SLC1A6: variants seen among roughly 807,000 people sequenced by gnomAD.
SLC1A6 encodes solute carrier family 1 member 6.
In SLC1A6, 15 loss-of-function variants were observed where a neutral mutation model predicts 42.1. The ratio of observed to expected loss-of-function variants is 0.36; its 90% CI spans 0.24 to 0.55. The LOEUF is 0.55. Among genes scored for constraint, SLC1A6 ranks in the 20% least tolerant of loss-of-function variants. The pLI is 0.88. For missense variants in SLC1A6, 542 were observed against 772.5 expected, an observed-to-expected ratio of 0.70 and a Z score of 3.54; for synonymous variants, 317 against 319.7, an observed-to-expected ratio of 0.99 and a Z score of 0.09.
chr19:14,961,742 T>C (rs546432129), intron 6 of SLC1A6: 2 of 441,210 alleles, frequency 4.5e-6, no homozygotes, highest in Non-Finnish European at 8.1e-6. Context: ...CAGAAGGACA[T>C]GAATGAATGA....
upstream of SLC1A6, among the ~76,000 whole-genome samples, chr19:14,981,942 C>T (rs988772775): frequency 4.0e-5 from 6 of 151,788 alleles, no homozygotes; most frequent in South Asian, 2.1e-4. Flanking sequence ...GCAGGAGGAC[C>T]GCTTGAGTCC....
chr19:14,952,110 C>T (rs1178236109), intron 9 of SLC1A6, among the ~76,000 whole-genome samples: 1 of 151,844 alleles, frequency 6.6e-6, no homozygotes, highest in Non-Finnish European at 1.5e-5. Context: ...CTGTGTCCTA[C>T]CCGTAAACCT....
chr19:15,003,977 G>C (rs2045884514), intron 1 of SLC1A6, among the ~76,000 whole-genome samples: 2 of 152,054 alleles, frequency 1.3e-5, no homozygotes, highest in Admixed American at 6.6e-5. Flanking sequence ...GCAACATGGA[G>C]AAACCCCATC....
intron 6 of SLC1A6, among the ~76,000 whole-genome samples, chr19:14,957,150 C>G (rs186190858): frequency 2.0e-5 from 3 of 152,148 alleles, no homozygotes; most frequent in Admixed American, 2.0e-4. Flanking sequence ...GTGTATGCCC[C>G]TATTCTCTTC....
chr19:15,001,467 C>T (rs1457510094), intron 1 of SLC1A6, among the ~76,000 whole-genome samples: 2 of 151,822 alleles, frequency 1.3e-5, no homozygotes, highest in African/African-American at 2.4e-5. Context: ...AGAATAAACA[C>T]GGATGGTGAG....
rs533501433 is a variant in SLC1A6, at chr19:14,994,529, C to T, written c.6+15956G>A. On this transcript the variant is annotated intron_variant, in intron 1 of 8. Transcript: ENST00000430939. ...CTCCCCTCAAACTGCCCAGTCTACCCTCCATCTTTCTCCAGGGGTTAGAGA... is the reference window on the plus strand; with the variant it reads ...CTCCCCTCAAACTGCCCAGTCTACCTTCCATCTTTCTCCAGGGGTTAGAGA... 7.2e-5 allele frequency among the ~76,000 whole-genome samples: 11 copies of T among 152,338 alleles called. No homozygotes were observed. In the South Asian group the frequency reaches 1.9e-3, roughly 26 times the overall value.
At chr19:14,960,480 A>G (rs2045499552) in intron 6 of SLC1A6, among the ~76,000 whole-genome samples, 2 of 152,260 alleles carry the variant, frequency 1.3e-5, no homozygotes, top group Non-Finnish European at 2.9e-5. Context: ...TAGAAAAATG[A>G]GAATGAATAA....
chr19:14,950,387 G>A lies in SLC1A6; in HGVS notation c.1503C>T (p.Asp501=), dbSNP rs1240995360. 6.3e-7 allele frequency: 1 copy of A among 1,576,278 alleles called. No individual in the cohort carries two copies. The highest frequency in any genetic ancestry group is 8.7e-7 in the Non-Finnish European group (1 of 1,154,886). ...TLIIAVDWFL[D]RLRTMTNVLG... ...GTACGTTGGTCATTGTGCGAAGCCG[G>A]TCACTGGTACAGGGGAGAAAGAAGC... The change falls in exon 10 of 10, where the codon GAC becomes GAT. Residue 501 remains aspartate (D), a synonymous_variant. Coordinates refer to ENST00000594383, the MANE Select transcript of SLC1A6 (RefSeq NM_005071.3).
chr19:14,957,295 G>T (rs560284275), intron 6 of SLC1A6, among the ~76,000 whole-genome samples: 2 of 152,208 alleles, frequency 1.3e-5, no homozygotes, highest in East Asian at 3.9e-4. Context: ...CAGGCACATG[G>T]CTCTCGTCCT....
intron 1 of SLC1A6, among the ~76,000 whole-genome samples, chr19:15,002,305 G>GT (rs1204659298): frequency 2.0e-5 from 3 of 151,730 alleles, no homozygotes; most frequent in Non-Finnish European, 4.4e-5. Flanking sequence ...GTTTTGTTTT[G>GT]TTTTTTGTTT....
At chr19:14,951,506 C>CTGGTTT (rs908350257) in intron 9 of SLC1A6, among the ~76,000 whole-genome samples, 8 of 86,848 alleles carry the variant, frequency 9.2e-5, no homozygotes, top group African/African-American at 1.8e-4. Flanking sequence ...GTTGTTGTTG[C>CTGGTTT]TGGTTTTTGT....
upstream of SLC1A6, among the ~76,000 whole-genome samples, chr19:14,980,670 A>AG (rs1219118673): frequency 2.6e-5 from 4 of 151,626 alleles, no homozygotes; most frequent in Non-Finnish European, 5.9e-5. Context: ...AAAAAAAAAA[A>AG]AGTCAGTGCA....
intron 5 of SLC1A6, chr19:14,964,019 G>T: frequency 9.0e-6 from 2 of 222,540 alleles, no homozygotes; most frequent in Non-Finnish European, 8.6e-6. Context: ...GAAAGACAGA[G>T]AGTCTCATTC....
intron 1 of SLC1A6, among the ~76,000 whole-genome samples, chr19:15,003,671 A>G (rs1418671414): frequency 4.8e-5 from 7 of 144,842 alleles, no homozygotes; most frequent in Non-Finnish European, 9.3e-5. Context: ...AAAAAAAAAA[A>G]AAAGAAAGAA....
chr19:14,977,771 A>G (rs2045727708), intron 1 of SLC1A6: 1 of 152,174 alleles, frequency 6.6e-6, no homozygotes, highest in Non-Finnish European at 1.5e-5. Flanking sequence ...ACAGCGTAAA[A>G]CCCTGTCTAA....
At chr19:14,965,099 A>C (rs1020396528) in intron 4 of SLC1A6, among the ~76,000 whole-genome samples, 5 of 151,396 alleles carry the variant, frequency 3.3e-5, no homozygotes, top group African/African-American at 1.2e-4. Flanking sequence ...GGCTCACTGC[A>C]ACCTCCACCT....
At chr19:14,986,388 G>T (rs2045792758) in intron 1 of SLC1A6, among the ~76,000 whole-genome samples, 1 of 151,696 alleles carries the variant, frequency 6.6e-6, no homozygotes, top group South Asian at 2.1e-4. Context: ...CCAGCATGGT[G>T]GGGGGTGCCT....
chr19:14,975,801 CGGAAGGGAAGGGAAGGGGACAAAG>C (rs1386666396), intron 1 of SLC1A6, among the ~76,000 whole-genome samples: 4,269 of 92,078 alleles, frequency 0.046, 202 homozygotes, highest in African/African-American at 0.11. Context: ...GGGAAGGGAA[CGGAAGGGAAGGGAAGGGGACAAAG>C]GGAAGGGAAG....
intron 1 of SLC1A6, among the ~76,000 whole-genome samples, chr19:15,000,694 C>T (rs7255326): frequency 0.098 from 14,858 of 152,240 alleles, 886 homozygotes; most frequent in East Asian, 0.2. Flanking sequence ...CCTTGACATA[C>T]TGATGCCATT....
Sources: gnomAD v4.1 joint callset for allele counts (sites outside exome capture counted in the v4.1 genomes callset) on GRCh38, gnomAD v4.1.1 for gene constraint, MANE v1.5 for transcripts, NCBI Gene and HGNC (gene_info 2026-07-23, HGNC 2026-07-21) for gene names.